CSMD1: variants seen among roughly 807,000 people sequenced by gnomAD.
CSMD1 encodes the protein CUB and sushi domain-containing protein 1.
Under a neutral mutation model 417.5 loss-of-function variants are expected in CSMD1, and 213 were observed. The ratio of observed to expected loss-of-function variants is 0.51; its 90% CI spans 0.46 to 0.57. The LOEUF is 0.57. CSMD1 is among the 20% of genes least tolerant of loss of function. The probability of loss-of-function intolerance (pLI) is 0.00; values close to 1 mark genes in which losing one functional copy is unlikely to be tolerated. For synonymous variants in CSMD1, 2,862 were observed against 1,736.8 expected (o/e 1.65, Z -16.11); for missense variants, 6,923 against 4,529.7 (o/e 1.53, Z -15.17).
At chr8:4,385,407 C>T (rs1453369224) in intron 3 of CSMD1, among the ~76,000 whole-genome samples, 1 of 152,174 alleles carries the variant, frequency 6.6e-6, no homozygotes, top group African/African-American at 2.4e-5. Context: ...CAAATGCATG[C>T]ACTTGCTACA....
chr8:3,545,266 G>A (rs1385308870), intron 10 of CSMD1, among the ~76,000 whole-genome samples: 2 of 152,310 alleles, frequency 1.3e-5, no homozygotes, highest in East Asian at 1.9e-4. Context: ...CTGATTTAAA[G>A]AAGGACATGG....
chr8:3,650,533 T>C (rs115057738), intron 7 of CSMD1, among the ~76,000 whole-genome samples: 3,087 of 152,238 alleles, frequency 0.02, 109 homozygotes, highest in African/African-American at 0.071. Flanking sequence ...CTACTCAGGC[T>C]CCTTTCCTTG....
intron 2 of CSMD1, among the ~76,000 whole-genome samples, chr8:4,431,125 A>G (rs1269667063): frequency 6.6e-6 from 1 of 152,154 alleles, no homozygotes; most frequent in African/African-American, 2.4e-5. Context: ...ATGACTGTAG[A>G]AAAAGAGGTG....
intron 2 of CSMD1, among the ~76,000 whole-genome samples, chr8:4,463,500 A>G (rs1310905077): frequency 3.9e-5 from 6 of 152,220 alleles, no homozygotes; most frequent in Admixed American, 2.0e-4. Flanking sequence ...CAAAAAGTGG[A>G]AACAATACAA....
At position 4,912,887 on chromosome 8, in the gene CSMD1, G is replaced by C. The variant is rs568309269; in HGVS notation, c.85+81445C>G. On this transcript the variant is annotated intron_variant, in intron 1 of 69. Coordinates refer to ENST00000635120, the MANE Select transcript of CSMD1 (RefSeq NM_033225.6). ...TACAACCTCCACCTCCTGGGTTCAA[G>C]TAATTCTACTGCCTCAGCTTCCCAA... Among the ~76,000 whole-genome samples the C allele has an allele frequency of 8.5e-5, 13 of 152,230 alleles. 1 individual carries two copies. In the South Asian group the frequency reaches 2.7e-3, roughly 32 times the overall value.
intron 6 of CSMD1, among the ~76,000 whole-genome samples, chr8:3,732,131 G>A (rs1467307880): frequency 6.6e-6 from 1 of 152,200 alleles, no homozygotes; most frequent in Non-Finnish European, 1.5e-5. Context: ...AGGGCTCCTA[G>A]CGGAAGCCAC....
At chr8:4,613,265 G>A (rs535391963) in intron 2 of CSMD1, among the ~76,000 whole-genome samples, 3 of 152,298 alleles carry the variant, frequency 2.0e-5, no homozygotes, top group South Asian at 2.1e-4. Context: ...ACAGAGTGAT[G>A]AGCCAAGGCA....
At chr8:3,599,176 T>A (rs4875750) in intron 8 of CSMD1, among the ~76,000 whole-genome samples, 7,804 of 151,072 alleles carry the variant, frequency 0.052, 364 homozygotes, top group East Asian at 0.15. Flanking sequence ...TGTGTGTGTG[T>A]GTGTGAGATG....
At chr8:3,599,122 CT>C (rs1420425610) in intron 8 of CSMD1, among the ~76,000 whole-genome samples, 2 of 135,390 alleles carry the variant, frequency 1.5e-5, no homozygotes, top group African/African-American at 6.0e-5. Context: ...CAATTGCTTA[CT>C]GCTGTGTGTG....
chr8:4,373,866 C>CT (rs1244971961), intron 3 of CSMD1, among the ~76,000 whole-genome samples: 3 of 151,962 alleles, frequency 2.0e-5, no homozygotes, highest in African/African-American at 4.8e-5. Context: ...ATAATTCTTT[C>CT]TTTTGCTTTA....
At position 4,174,630 on chromosome 8, in the gene CSMD1, A is replaced by G. The variant is rs190332067; in HGVS notation, c.416-142531T>C. ...TTTTATAATAATTAAAACAAACTCTAAGACCTGGGAATGTAGGAATTATAG... is the reference window on the plus strand; with the variant it reads ...TTTTATAATAATTAAAACAAACTCTGAGACCTGGGAATGTAGGAATTATAG... On this transcript the variant is annotated intron_variant, in intron 3 of 69. Transcript: ENST00000635120. Among the ~76,000 whole-genome samples, 1,007 of 147,286 alleles carry G rather than the reference A, an allele frequency of 6.8e-3. 14 individuals are homozygous for G. Among genetic ancestry groups the G allele is most frequent in the African/African-American group, 0.024 (953 of 39,186 alleles).
chr8:4,477,102 T>G (rs1800842624), intron 2 of CSMD1, among the ~76,000 whole-genome samples: 1 of 152,138 alleles, frequency 6.6e-6, no homozygotes, highest in Non-Finnish European at 1.5e-5. Flanking sequence ...GAGCACTCCT[T>G]CCCACCACCT....
chr8:4,339,446 T>C (rs888099116), intron 3 of CSMD1, among the ~76,000 whole-genome samples: 2 of 152,080 alleles, frequency 1.3e-5, no homozygotes, highest in African/African-American at 2.4e-5. Flanking sequence ...GGTGTTTGAA[T>C]CAGCTGTACA....
At chr8:3,469,468 T>A (rs1458582381) in intron 11 of CSMD1, among the ~76,000 whole-genome samples, 1 of 152,112 alleles carries the variant, frequency 6.6e-6, no homozygotes, top group Non-Finnish European at 1.5e-5. Context: ...CAAATGTGAG[T>A]TTCAATGAAG....
chr8:4,431,473 A>G (rs966010046), intron 2 of CSMD1, among the ~76,000 whole-genome samples: 1 of 152,102 alleles, frequency 6.6e-6, no homozygotes, highest in Admixed American at 6.6e-5. Context: ...GGGCAGAGAG[A>G]GAAGAAAGTA....
intron 3 of CSMD1, among the ~76,000 whole-genome samples, chr8:4,149,530 A>C (rs1373398514): frequency 6.6e-6 from 1 of 152,202 alleles, no homozygotes; most frequent in Non-Finnish European, 1.5e-5. Flanking sequence ...CTACCATTTC[A>C]ATACTAACCA....
chr8:3,242,587 G>A (rs1799609598), intron 26 of CSMD1, among the ~76,000 whole-genome samples: 1 of 152,092 alleles, frequency 6.6e-6, no homozygotes, highest in Non-Finnish European at 1.5e-5. Context: ...GGGTCAAGCG[G>A]CATTGCAGAG....
At chr8:3,409,238 A>C (rs549174771) in intron 13 of CSMD1, among the ~76,000 whole-genome samples, 185 bp downstream of exon 13, 4 of 152,362 alleles carry the variant, frequency 2.6e-5, no homozygotes, top group African/African-American at 7.2e-5. Context: ...ATTAGTTTTT[A>C]CTAAATGAAG....
At chr8:4,203,424 C>T (rs977723725) in intron 3 of CSMD1, among the ~76,000 whole-genome samples, 1 of 152,170 alleles carries the variant, frequency 6.6e-6, no homozygotes, top group African/African-American at 2.4e-5. Context: ...GTGGTAATAT[C>T]TCACAGCAGC....
Sources: allele counts gnomAD v4.1 joint callset (sites outside exome capture counted in the v4.1 genomes callset), GRCh38; gene constraint gnomAD v4.1.1; transcripts MANE v1.5; gene names NCBI Gene and HGNC (gene_info 2026-07-23, HGNC 2026-07-21).